FAXC: variants seen among roughly 807,000 people sequenced by gnomAD.
The protein encoded by FAXC is failed axon connections homolog.
A neutral mutation model predicts 41.9 loss-of-function variants in FAXC; 10 were observed. That is an observed-to-expected ratio of 0.24 (90% confidence interval 0.15 to 0.41). FAXC has a LOEUF of 0.41. FAXC is among the 10% of genes least tolerant of loss of function. FAXC has a pLI of 1.00. For synonymous variants in FAXC, 183 were observed against 183.8 expected (o/e 1.00, Z 0.03); for missense variants, 399 against 510.9 (o/e 0.78, Z 2.11).
chr6:99,318,306 C>CACAAAAAAAA (rs147852055), intron 4 of FAXC, among the ~76,000 whole-genome samples: 33 of 135,318 alleles, frequency 2.4e-4, no homozygotes, highest in South Asian at 7.3e-4. Flanking sequence ...CACACACACA[C>CACAAAAAAAA]AAAATAGAAG....
chr6:99,311,939 C>T (rs1037514910), intron 4 of FAXC, among the ~76,000 whole-genome samples: 15 of 152,180 alleles, frequency 9.9e-5, no homozygotes, highest in African/African-American at 3.6e-4. Context: ...AGTATATTAC[C>T]TGATAGCTTT....
intron 5 of FAXC, among the ~76,000 whole-genome samples, chr6:99,287,463 C>T (rs576983817): frequency 6.6e-6 from 1 of 152,226 alleles, no homozygotes; most frequent in East Asian, 1.9e-4. Flanking sequence ...TAGACATATG[C>T]ATACATATGT....
intron 2 of FAXC, among the ~76,000 whole-genome samples, chr6:99,341,331 A>G (rs1773420290): frequency 1.3e-5 from 2 of 152,150 alleles, no homozygotes; most frequent in Admixed American, 6.5e-5. Context: ...AAAGTTGCCA[A>G]TTAAAAGACT....
chr6:99,323,796 G>A, intron 3 of FAXC, 129 bp from the exon 4 acceptor site: 1 of 681,316 alleles, frequency 1.5e-6, no homozygotes, highest in East Asian at 2.7e-5. Flanking sequence ...CTTTAATAAA[G>A]AGCAATCTGC....
At chr6:99,327,534 C>G (rs1373630811) in intron 3 of FAXC, among the ~76,000 whole-genome samples, 2 of 152,082 alleles carry the variant, frequency 1.3e-5, no homozygotes, top group African/African-American at 2.4e-5. Flanking sequence ...TAGCTTACAC[C>G]TCTACTGCTT....
At chr6:99,284,641 A>G (rs1253496103) in intron 5 of FAXC, among the ~76,000 whole-genome samples, 1 of 151,514 alleles carries the variant, frequency 6.6e-6, no homozygotes, top group Non-Finnish European at 1.5e-5. Flanking sequence ...GGCCGGGCAC[A>G]CTGGCTCATG....
chr6:99,342,868 TA>T, intron 2 of FAXC, 29 bp downstream of exon 2: 1 of 1,571,056 alleles, frequency 6.4e-7, no homozygotes, highest in African/African-American at 1.4e-5. Flanking sequence ...ACTGATGTCA[TA>T]AAAAGAAAAC....
chr6:99,313,374 T>C (rs1361386300), intron 4 of FAXC, among the ~76,000 whole-genome samples: 1 of 152,238 alleles, frequency 6.6e-6, no homozygotes, highest in African/African-American at 2.4e-5. Context: ...GTAAATTACC[T>C]CTTTATATGT....
intron 3 of FAXC, 146 bp downstream of exon 3, chr6:99,333,205 C>G: frequency 1.5e-6 from 1 of 656,268 alleles, no homozygotes; most frequent in Non-Finnish European, 2.5e-6. Context: ...ACTTCACAGT[C>G]ATAATAACTT....
intron 4 of FAXC, among the ~76,000 whole-genome samples, chr6:99,307,152 G>A (rs1771956959): frequency 6.6e-6 from 1 of 152,144 alleles, no homozygotes; most frequent in Admixed American, 6.5e-5. Context: ...GAATGGTAGG[G>A]TATTATTTAC....
rs1187037233 is a variant in FAXC, at chr6:99,274,890, AT to A, written c.*6273del. ...TTCTGAACAATGGAAGAGGAAAGTC[AT>A]TGATTATTTTTTAAAGAGGAGGAAG... On this transcript the variant is annotated 3_prime_UTR_variant, in exon 6 of 6. Coordinates refer to ENST00000389677, the MANE Select transcript of FAXC (RefSeq NM_032511.4). The A allele has an allele frequency of 1.3e-5, 2 of 152,212 alleles. No individual in the cohort carries two copies. Among genetic ancestry groups the A allele is most frequent in the Admixed American group, 1.3e-4 (2 of 15,268 alleles). 9.4% of individuals were successfully genotyped at this position (152,212 alleles called of 1,614,324 possible). A position where few individuals can be genotyped will look rare whatever the true frequency, so the allele number is the denominator to read the frequency against.
At chr6:99,307,645 A>G (rs1409377478) in intron 4 of FAXC, among the ~76,000 whole-genome samples, 3 of 152,180 alleles carry the variant, frequency 2.0e-5, no homozygotes, top group African/African-American at 7.2e-5. Flanking sequence ...GTCAGGGGTC[A>G]GAGGGCCCCA....
chr6:99,292,478 C>T (rs916985509), intron 4 of FAXC, among the ~76,000 whole-genome samples: 1 of 152,182 alleles, frequency 6.6e-6, no homozygotes, highest in Non-Finnish European at 1.5e-5. Flanking sequence ...TGACTTCATC[C>T]AGGCCTTGTC....
intron 4 of FAXC, among the ~76,000 whole-genome samples, chr6:99,308,282 G>C (rs1250560288): frequency 6.6e-6 from 1 of 151,950 alleles, no homozygotes; most frequent in Admixed American, 6.5e-5. Context: ...GGGCAACAGA[G>C]AAAAATCCAA....
At chr6:99,340,844 T>A (rs954055152) in intron 2 of FAXC, among the ~76,000 whole-genome samples, 4 of 151,958 alleles carry the variant, frequency 2.6e-5, no homozygotes, top group African/African-American at 7.3e-5. Context: ...AATTTTCGTA[T>A]TTTTAATAGA....
intron 4 of FAXC, among the ~76,000 whole-genome samples, chr6:99,312,774 A>C (rs1772197802): frequency 6.6e-6 from 1 of 152,178 alleles, no homozygotes; most frequent in Admixed American, 6.5e-5. Flanking sequence ...AAAATCCTGA[A>C]GGTTGAATTA....
intron 2 of FAXC, among the ~76,000 whole-genome samples, chr6:99,337,099 G>A (rs1461262688): frequency 2.6e-5 from 4 of 152,132 alleles, no homozygotes; most frequent in Admixed American, 1.3e-4. Context: ...GATGTGTCAG[G>A]ATTTCTGCAA....
chr6:99,335,628 G>A (rs927884466), intron 2 of FAXC, among the ~76,000 whole-genome samples: 1 of 152,202 alleles, frequency 6.6e-6, no homozygotes, highest in Admixed American at 6.5e-5. Flanking sequence ...ACCCAAATGC[G>A]TAAGGGATAA....
At chr6:99,321,860 A>G (rs114616644) in intron 4 of FAXC, among the ~76,000 whole-genome samples, 23 of 152,244 alleles carry the variant, frequency 1.5e-4, no homozygotes, top group Non-Finnish European at 4.4e-5. Flanking sequence ...CAACACTGTT[A>G]AAGATGTGTG....
Sources: gnomAD v4.1 joint callset for allele counts (sites outside exome capture counted in the v4.1 genomes callset) on GRCh38, gnomAD v4.1.1 for gene constraint, MANE v1.5 for transcripts, NCBI Gene and HGNC (gene_info 2026-07-23, HGNC 2026-07-21) for gene names.